The following SLC22A23 variants were observed in gnomAD, a reference collection of about 807,000 sequenced individuals.
SLC22A23 encodes solute carrier family 22 member 23.
In SLC22A23, 26 loss-of-function variants were observed where a neutral mutation model predicts 61.0. The observed-to-expected ratio is 0.43, with a 90% CI of 0.31 to 0.59. The LOEUF (loss-of-function observed/expected upper bound fraction) is 0.59. Among genes scored for constraint, SLC22A23 ranks in the 20% least tolerant of loss-of-function variants. The pLI, the probability that SLC22A23 is intolerant of heterozygous loss-of-function variation, is 0.11. For missense variants in SLC22A23, 796 were observed against 934.7 expected (o/e 0.85, Z 1.94); for synonymous variants, 430 against 413.9 (o/e 1.04, Z -0.47).
At chr6:3,347,919 G>A (rs1250801443) in intron 3 of SLC22A23, among the ~76,000 whole-genome samples, 2 of 152,150 alleles carry the variant, frequency 1.3e-5, no homozygotes, top group African/African-American at 4.8e-5. Flanking sequence ...ATCGGGAGGT[G>A]TGCGGCTGTT....
In SLC22A23 at chr6:3,435,916, G is replaced by A. The variant is rs545716664; in HGVS notation, c.654+19990C>T. Among the ~76,000 whole-genome samples, 9 of 152,316 alleles carry A rather than the reference G, an allele frequency of 5.9e-5. No individual in the cohort carries two copies. In the East Asian group the frequency reaches 1.5e-3, roughly 26 times the overall value. On this transcript the variant is annotated intron_variant, in intron 1 of 9. Transcript: ENST00000406686. The stretch of plus-strand genomic sequence containing the variant: ...GGACCACGTGGGGACAGAGGGAGAA[G>A]ACGCCATCTGCAAGCCAAGGAGAGA...
chr6:3,356,311 T>A (rs535955868), intron 3 of SLC22A23, among the ~76,000 whole-genome samples: 5 of 151,288 alleles, frequency 3.3e-5, no homozygotes, highest in Admixed American at 3.3e-4. Flanking sequence ...CGGTGGGCCA[T>A]GGAACCGCTG....
At chr6:3,303,008 A>T (rs1395675966) in intron 4 of SLC22A23, 1 of 152,232 alleles carries the variant, frequency 6.6e-6, no homozygotes, top group Non-Finnish European at 1.5e-5. Context: ...AAACACCTCA[A>T]CAGCAAAAAA....
At chr6:3,400,163 C>G (rs1454320000) in intron 3 of SLC22A23, among the ~76,000 whole-genome samples, 1 of 152,220 alleles carries the variant, frequency 6.6e-6, no homozygotes, top group South Asian at 2.1e-4. Context: ...CAGGCATGAG[C>G]CACCGCGCCC....
chr6:3,391,448 C>G (rs535298859), intron 3 of SLC22A23, among the ~76,000 whole-genome samples: 1 of 152,368 alleles, frequency 6.6e-6, no homozygotes, highest in Admixed American at 6.5e-5. Context: ...GCCCTTCCAG[C>G]TTTAACAATT....
rs987485564 is a variant in SLC22A23, at chr6:3,286,151, T to C, written c.1546+708A>G. On this transcript the variant is annotated intron_variant, in intron 7 of 9. Coordinates refer to ENST00000406686, the MANE Select transcript of SLC22A23 (RefSeq NM_015482.2). This position sits in a 1 kb window ranked among gnomAD's most constrained non-coding sequence, Gnocchi z 4.2. ...TCTTGCTCTGTCACCCAGGCTGGAGTGCAGTGCTGCGATCTCAGCTTACTG... is the reference window on the plus strand; with the variant it reads ...TCTTGCTCTGTCACCCAGGCTGGAGCGCAGTGCTGCGATCTCAGCTTACTG... Among the ~76,000 whole-genome samples the C allele has an allele frequency of 6.6e-6, 1 of 150,830 alleles. No homozygotes were observed. Among genetic ancestry groups the C allele is most frequent in the Non-Finnish European group, 1.5e-5 (1 of 67,878 alleles).
intron 3 of SLC22A23, among the ~76,000 whole-genome samples, chr6:3,353,714 A>G (rs956148233): frequency 6.6e-6 from 1 of 151,978 alleles, no homozygotes; most frequent in Non-Finnish European, 1.5e-5. Flanking sequence ...TGCCCTGTGC[A>G]CTGCCACCCA....
chr6:3,378,488 TCTC>T (rs1227742495), intron 3 of SLC22A23, among the ~76,000 whole-genome samples: 2 of 152,120 alleles, frequency 1.3e-5, no homozygotes, highest in African/African-American at 4.8e-5. Context: ...CATCACTTCC[TCTC>T]CTATTTTATG....
chr6:3,347,830 G>A (rs1051384925), intron 3 of SLC22A23, among the ~76,000 whole-genome samples: 5 of 152,146 alleles, frequency 3.3e-5, no homozygotes, highest in East Asian at 3.9e-4. Context: ...GGCATAGGAG[G>A]TCCTACACAG....
chr6:3,412,962 A>C (rs1769374550), intron 2 of SLC22A23, among the ~76,000 whole-genome samples: 1 of 152,158 alleles, frequency 6.6e-6, no homozygotes, highest in African/African-American at 2.4e-5. Context: ...CCGACTTTAG[A>C]CCAGTGAGAC....
chr6:3,404,226 C>T (rs1561956457), intron 3 of SLC22A23, among the ~76,000 whole-genome samples: 1 of 152,114 alleles, frequency 6.6e-6, no homozygotes, highest in African/African-American at 2.4e-5. Flanking sequence ...TCTACCTTCA[C>T]CAAATTCAAA....
At chr6:3,422,368 C>T (rs926622484) in intron 1 of SLC22A23, among the ~76,000 whole-genome samples, 4 of 152,096 alleles carry the variant, frequency 2.6e-5, no homozygotes, top group Non-Finnish European at 4.4e-5. Flanking sequence ...GAGTCACAGA[C>T]GGACAAAAGA....
chr6:3,425,670 A>G (rs571021815), intron 1 of SLC22A23, among the ~76,000 whole-genome samples: 2 of 152,334 alleles, frequency 1.3e-5, no homozygotes, highest in South Asian at 4.1e-4. Context: ...TTCATTAAGT[A>G]TCTACCCTGT....
rs546916672 is a variant in SLC22A23 at position 3,357,920 on chromosome 6, G to A, written c.914-33918C>T. Among the ~76,000 whole-genome samples, 7 of 152,258 alleles carry A rather than the reference G, an allele frequency of 4.6e-5. No individual in the cohort carries two copies. In the South Asian group the frequency reaches 1.4e-3, roughly 32 times the overall value. On this transcript the variant is annotated intron_variant, in intron 3 of 9. Transcript: ENST00000406686. Reference sequence around the variant, plus strand: ...AGACTTCACCAAAGAAGCAGCATTTGAATCTTCCCTTAAGGGAAAAGGAAG... The same window carrying A: ...AGACTTCACCAAAGAAGCAGCATTTAAATCTTCCCTTAAGGGAAAAGGAAG...
Position 3,342,929 on chromosome 6 carries a change from T to A in SLC22A23, c.914-18927A>T, listed in dbSNP as rs931394120. On this transcript the variant is annotated intron_variant, in intron 3 of 9. Transcript: ENST00000406686. The surrounding 1 kb of genome is among the most constrained non-coding windows in gnomAD (Gnocchi z 4.0). ...TACCATCCTAATGCAGGGAAGGGGT[T>A]AGGATTTCAAGAGACAAGAAATAGT... Among the ~76,000 whole-genome samples, 10 of 152,072 alleles carry A rather than the reference T, an allele frequency of 6.6e-5. No individual in the cohort carries two copies. Among genetic ancestry groups the A allele is most frequent in the Admixed American group, 4.6e-4 (7 of 15,272 alleles).
At position 3,398,796 on chromosome 6, in the gene SLC22A23, G is replaced by A. The variant is rs79924626; in HGVS notation, c.913+11392C>T. Among the ~76,000 whole-genome samples the A allele has an allele frequency of 1.0e-2, 1,520 of 152,110 alleles. 30 individuals are homozygous for A. Among genetic ancestry groups the A allele is most frequent in the African/African-American group, 0.03 (1,259 of 41,504 alleles). On this transcript the variant is annotated intron_variant, in intron 3 of 9. Transcript: ENST00000406686. Reference sequence around the variant, plus strand: ...TGTAATCCCAGCACTTTGGGAGGCCGAGATGGGAGAACTGCTTTATCCAGG... The same window carrying A: ...TGTAATCCCAGCACTTTGGGAGGCCAAGATGGGAGAACTGCTTTATCCAGG...
intron 5 of SLC22A23, 62 bp downstream of exon 5, chr6:3,298,029 C>T: frequency 7.0e-7 from 1 of 1,437,486 alleles, no homozygotes; most frequent in Non-Finnish European, 9.1e-7. Flanking sequence ...AAAACCAGCC[C>T]AGGTGTCAGG....
chr6:3,379,687 T>C (rs1414122166), intron 3 of SLC22A23, among the ~76,000 whole-genome samples: 1 of 152,132 alleles, frequency 6.6e-6, no homozygotes, highest in African/African-American at 2.4e-5. Context: ...CCTCGCTTCA[T>C]ATCACCTTGA....
intron 1 of SLC22A23, among the ~76,000 whole-genome samples, chr6:3,445,920 G>A (rs1478723624): frequency 6.6e-6 from 1 of 152,156 alleles, no homozygotes; most frequent in Admixed American, 6.5e-5. Context: ...GCTTCAAGCA[G>A]GGAAGTGATG....
Sources: allele counts gnomAD v4.1 joint callset (sites outside exome capture counted in the v4.1 genomes callset), GRCh38; gene constraint gnomAD v4.1.1; non-coding constraint Gnocchi (gnomAD v3.1); transcripts MANE v1.5; gene names NCBI Gene and HGNC (gene_info 2026-07-23, HGNC 2026-07-21).